FANCC: variants seen among roughly 807,000 people sequenced by gnomAD.
FANCC encodes the protein FA complementation group C.
Under a neutral mutation model 71.3 loss-of-function variants are expected in FANCC, and 55 were observed. The ratio of observed to expected loss-of-function variants is 0.77; its 90% confidence interval spans 0.62 to 0.97. FANCC has a LOEUF of 0.97. Ranked by LOEUF, FANCC falls within the 50% of genes least tolerant of loss-of-function variation. The pLI is 0.00. For missense variants in FANCC, 678 were observed against 670.9 expected, an observed-to-expected ratio of 1.01 and a Z score of -0.12; for synonymous variants, 275 against 244.9, an observed-to-expected ratio of 1.12 and a Z score of -1.15.
chr9:95,106,961 A>T, intron 14 of FANCC, 105 bp downstream of exon 14: 1 of 1,119,150 alleles, frequency 8.9e-7, no homozygotes, highest in Non-Finnish European at 1.3e-6. Context: ...GCTGGGCAGC[A>T]TCCTGGTACA....
At position 95,150,041 on chromosome 9, in the gene FANCC, G is replaced by C; in HGVS notation, c.568C>G (p.Leu190Val). 6.2e-7 allele frequency: 1 copy of C among 1,614,166 alleles called. No individual in the cohort carries two copies. Among genetic ancestry groups the C allele is most frequent in the Non-Finnish European group, 8.5e-7 (1 of 1,180,018 alleles). The change falls in exon 7 of 15, where the codon CTT (leucine) becomes GTT (valine). Residue 190 changes from leucine (L) to valine (V), a missense_variant. Coordinates refer to ENST00000289081, the MANE Select transcript of FANCC (RefSeq NM_000136.3). The part of the protein sequence containing the change: ...VASLSRVCVP[L>V]ITLTDVDPLV... The stretch of plus-strand genomic sequence containing the variant: ...GGGTCAACATCTGTCAGGGTAATAA[G>C]TGGGACACAAACTCGTGACAGGGAC...
At chr9:95,169,005 G>C (rs1415643450) in intron 6 of FANCC, among the ~76,000 whole-genome samples, 1 of 152,206 alleles carries the variant, frequency 6.6e-6, no homozygotes, top group Non-Finnish European at 1.5e-5. Context: ...CACTGTGCTT[G>C]TGTTCAAGTA....
chr9:95,199,442 C>T (rs79178902), intron 4 of FANCC, among the ~76,000 whole-genome samples: 1 of 152,126 alleles, frequency 6.6e-6, no homozygotes. Flanking sequence ...TCCTCACCTA[C>T]TAAAGCCCGA....
At chr9:95,230,244 T>C (rs533236062) in intron 4 of FANCC, among the ~76,000 whole-genome samples, 1 of 152,192 alleles carries the variant, frequency 6.6e-6, no homozygotes, top group Non-Finnish European at 1.5e-5. Context: ...TGCGGTGTAG[T>C]GCGGCTGCAG....
intron 1 of FANCC, among the ~76,000 whole-genome samples, chr9:95,299,330 T>A (rs1834583126): frequency 6.6e-6 from 1 of 152,228 alleles, no homozygotes; most frequent in African/African-American, 2.4e-5. Flanking sequence ...AGAAACTGTA[T>A]GTGGTTCCTC....
Position 95,314,457 on chromosome 9 carries a change from G to C in FANCC, c.-79+3069C>G, listed in dbSNP as rs1226236507. Among the ~76,000 whole-genome samples, 4 of 152,094 alleles carry C rather than the reference G, an allele frequency of 2.6e-5. No individual in the cohort carries two copies. The East Asian group carries it at 5.8e-4, about 22-fold the overall frequency. On this transcript the variant is annotated intron_variant, in intron 1 of 14. Coordinates refer to ENST00000289081, the MANE Select transcript of FANCC (RefSeq NM_000136.3). ...TCACGAGGTCAGGAGTTTGAGACCA[G>C]CCTGACCAATATGGTGAAACCCCGT...
At chr9:95,169,161 CAT>C (rs1417995986) in intron 6 of FANCC, among the ~76,000 whole-genome samples, 1 of 152,102 alleles carries the variant, frequency 6.6e-6, no homozygotes, top group African/African-American at 2.4e-5. Context: ...AGAAAAAAAT[CAT>C]ATGCTGAGGT....
At chr9:95,206,506 T>A (rs1828128789) in intron 4 of FANCC, among the ~76,000 whole-genome samples, 1 of 152,242 alleles carries the variant, frequency 6.6e-6, no homozygotes, top group Admixed American at 6.5e-5. Context: ...TTATTTTTAA[T>A]GTGCACAAAT....
intron 5 of FANCC, among the ~76,000 whole-genome samples, chr9:95,171,522 T>TA (rs1224643873): frequency 6.6e-6 from 1 of 152,088 alleles, no homozygotes; most frequent in Non-Finnish European, 1.5e-5. Context: ...TAACAAACAT[T>TA]AAAAAATCTC....
rs144160172 is a variant in FANCC at position 95,255,152 on chromosome 9, G to A, written c.-78-5783C>T. ...AGCTATAGCAGAATTAAACGTTCCCGCCTGCTGGCTCTGAAGAGAGCAGCA... is the reference window on the plus strand; with the variant it reads ...AGCTATAGCAGAATTAAACGTTCCCACCTGCTGGCTCTGAAGAGAGCAGCA... On this transcript the variant is annotated intron_variant, in intron 1 of 14. Transcript: ENST00000289081. 1.4e-3 allele frequency among the ~76,000 whole-genome samples: 213 copies of A among 152,168 alleles called. 1 individual carries two copies. The highest frequency in any genetic ancestry group is 4.9e-3 in the African/African-American group (203 of 41,526).
chr9:95,308,206 T>A (rs1399909947), intron 1 of FANCC, among the ~76,000 whole-genome samples: 8 of 152,214 alleles, frequency 5.3e-5, no homozygotes, highest in African/African-American at 1.9e-4. Flanking sequence ...CATACTTTTT[T>A]AAAAACTTAT....
chr9:95,119,741 T>C (rs1221947912), intron 10 of FANCC, among the ~76,000 whole-genome samples: 1 of 151,804 alleles, frequency 6.6e-6, no homozygotes, highest in Non-Finnish European at 1.5e-5. Flanking sequence ...AGATATGGTT[T>C]CACTCTGTTG....
intron 4 of FANCC, among the ~76,000 whole-genome samples, chr9:95,235,887 G>C (rs529793292): frequency 9.8e-4 from 141 of 144,378 alleles, no homozygotes; most frequent in East Asian, 1.2e-3. Context: ...AGGGGCACAT[G>C]GGGGGCAGGG....
chr9:95,247,331 T>TTA, intron 3 of FANCC, 101 bp downstream of exon 3: 1 of 751,876 alleles, frequency 1.3e-6, no homozygotes, highest in Non-Finnish European at 2.2e-6. Context: ...GTTGTTCCAT[T>TTA]AAAAAAAAAA....
At chr9:95,175,880 G>C (rs1182912011) in intron 4 of FANCC, among the ~76,000 whole-genome samples, 2 of 152,198 alleles carry the variant, frequency 1.3e-5, no homozygotes, top group Non-Finnish European at 2.9e-5. Flanking sequence ...GTCAGACCCA[G>C]GCAGAGAAGG....
chr9:95,297,983 G>C (rs1175499461), intron 1 of FANCC, among the ~76,000 whole-genome samples: 7 of 152,128 alleles, frequency 4.6e-5, no homozygotes, highest in Admixed American at 4.6e-4. Context: ...TAAGAGCAAA[G>C]GTAAGTCACT....
At chr9:95,181,137 T>C (rs993530936) in intron 4 of FANCC, among the ~76,000 whole-genome samples, 3 of 141,626 alleles carry the variant, frequency 2.1e-5, no homozygotes, top group South Asian at 4.8e-4. Context: ...TATATACACA[T>C]ACACACACAC....
intron 4 of FANCC, among the ~76,000 whole-genome samples, chr9:95,228,932 A>C (rs911264928): frequency 1.3e-5 from 2 of 152,194 alleles, no homozygotes; most frequent in Non-Finnish European, 2.9e-5. Flanking sequence ...CTCATGAGCC[A>C]AGCATGGACT....
At chr9:95,154,192 G>T (rs1830332192) in intron 6 of FANCC, among the ~76,000 whole-genome samples, 1 of 135,792 alleles carries the variant, frequency 7.4e-6, no homozygotes, top group South Asian at 2.3e-4. Flanking sequence ...ATTGCAGTGA[G>T]CTGACATCAC....
Sources: allele counts gnomAD v4.1 joint callset (sites outside exome capture counted in the v4.1 genomes callset), GRCh38; gene constraint gnomAD v4.1.1; transcripts MANE v1.5; gene names NCBI Gene and HGNC (gene_info 2026-07-23, HGNC 2026-07-21).